GNAT3: variants seen among roughly 807,000 people sequenced by gnomAD.
GNAT3 encodes the protein guanine nucleotide-binding protein G(t) subunit alpha-3.
In GNAT3, 31 loss-of-function variants were observed where a neutral mutation model predicts 37.7. That is an observed-to-expected ratio of 0.82 (90% confidence interval 0.62 to 1.11). GNAT3 has a LOEUF of 1.11. Ranked by LOEUF, GNAT3 falls within the 50% of genes most tolerant of loss-of-function variation. The pLI is 0.00. For synonymous variants in GNAT3, 138 were observed against 139.8 expected, an observed-to-expected ratio of 0.99 and a Z score of 0.09; for missense variants, 437 against 412.5, an observed-to-expected ratio of 1.06 and a Z score of -0.51.
chr7:80,497,458 A>G (rs905833847), intron 1 of GNAT3, among the ~76,000 whole-genome samples: 1 of 151,896 alleles, frequency 6.6e-6, no homozygotes. Context: ...ATCTCTAACA[A>G]TGGAACTGAA....
At chr7:80,486,450 C>CT (rs879699399) in intron 3 of GNAT3, 103 of 142,638 alleles carry the variant, frequency 7.2e-4, no homozygotes, top group African/African-American at 8.9e-4. Flanking sequence ...TCTCATCTCA[C>CT]TTTTTTTTTT....
At chr7:80,497,632 A>ACACG in intron 1 of GNAT3, among the ~76,000 whole-genome samples, 1 of 118,694 alleles carries the variant, frequency 8.4e-6, no homozygotes, top group African/African-American at 4.4e-5. Context: ...GTATATACAT[A>ACACG]TACGTATATA....
chr7:80,487,169 A>C (rs1243758192), intron 3 of GNAT3, among the ~76,000 whole-genome samples: 2 of 152,136 alleles, frequency 1.3e-5, no homozygotes, highest in Admixed American at 6.6e-5. Context: ...TTGTTTCTTA[A>C]GAGCCAATTT....
intron 3 of GNAT3, among the ~76,000 whole-genome samples, chr7:80,484,717 G>A (rs1790447602): frequency 6.6e-6 from 1 of 151,608 alleles, no homozygotes; most frequent in Admixed American, 6.6e-5. Flanking sequence ...AAAAAAAGAG[G>A]GTTTGTTAAC....
At chr7:80,478,193 G>A (rs561586463) in intron 4 of GNAT3, among the ~76,000 whole-genome samples, 2 of 152,196 alleles carry the variant, frequency 1.3e-5, no homozygotes, top group Admixed American at 6.5e-5. Flanking sequence ...TTACAGGCGT[G>A]AGCCACTGTG....
intron 5 of GNAT3, among the ~76,000 whole-genome samples, chr7:80,464,045 G>A (rs1790095504): frequency 6.6e-6 from 1 of 151,598 alleles, no homozygotes; most frequent in Non-Finnish European, 1.5e-5. Flanking sequence ...TATATGCCAG[G>A]CACCAAGGAT....
At chr7:80,470,395 T>C (rs1790192629) in intron 5 of GNAT3, among the ~76,000 whole-genome samples, 1 of 152,150 alleles carries the variant, frequency 6.6e-6, no homozygotes, top group Admixed American at 6.5e-5. Flanking sequence ...CTAATTTTTG[T>C]ATTTTTAGTA....
In GNAT3 at chr7:80,463,636, A is replaced by G. The variant is rs75212646; in HGVS notation, c.591-1005T>C. On this transcript the variant is annotated intron_variant, in intron 5 of 7. Coordinates refer to ENST00000398291, the MANE Select transcript of GNAT3 (RefSeq NM_001102386.3). Reference sequence around the variant, plus strand: ...TCCTTTATGGTAATCATCAATATCTATCATCTCCCTAATACAATAGCAGCC... The same window carrying G: ...TCCTTTATGGTAATCATCAATATCTGTCATCTCCCTAATACAATAGCAGCC... Among the ~76,000 whole-genome samples, 355 of 151,880 alleles carry G rather than the reference A, an allele frequency of 2.3e-3. 11 individuals are homozygous for G. In the East Asian group the frequency reaches 0.057, roughly 25 times the overall value.
At position 80,478,883 on chromosome 7, in the gene GNAT3, A is replaced by G; in HGVS notation, c.419T>C (p.Phe140Ser). The G allele has an allele frequency of 6.2e-7, 1 of 1,613,410 alleles. No homozygotes were observed. Among genetic ancestry groups the G allele is most frequent in the Non-Finnish European group, 8.5e-7 (1 of 1,179,534 alleles). The change falls in exon 4 of 8, where the codon TTT (phenylalanine) becomes TCT (serine). Residue 140 changes from phenylalanine (F) to serine (S), a missense_variant. Transcript: ENST00000398291. ...LWRDPGIQAC[F>S]ERASEYQLND... ...GAGCTGATATTCAGATGCCCTTTCAAAGCAGGCCTGAATTCCTGGATCTCT... is the reference window on the plus strand; with the variant it reads ...GAGCTGATATTCAGATGCCCTTTCAGAGCAGGCCTGAATTCCTGGATCTCT...
chr7:80,464,313 A>C (rs1363209218), intron 5 of GNAT3, among the ~76,000 whole-genome samples: 1 of 152,066 alleles, frequency 6.6e-6, no homozygotes, highest in Admixed American at 6.6e-5. Flanking sequence ...TAAAAACCTA[A>C]GGAGATGAGG....
intron 4 of GNAT3, among the ~76,000 whole-genome samples, chr7:80,477,517 C>T (rs1240968394): frequency 1.3e-5 from 2 of 151,960 alleles, no homozygotes; most frequent in Admixed American, 1.3e-4. Flanking sequence ...AGCAATGTGC[C>T]CTTTGAAATT....
At chr7:80,483,480 G>A (rs188660291) in intron 3 of GNAT3, among the ~76,000 whole-genome samples, 6 of 151,872 alleles carry the variant, frequency 4.0e-5, no homozygotes, top group Non-Finnish European at 8.8e-5. Context: ...CAAACTGATC[G>A]AACACTTAAC....
intron 7 of GNAT3, among the ~76,000 whole-genome samples, chr7:80,461,359 G>A (rs886084722): frequency 1.3e-5 from 2 of 151,948 alleles, no homozygotes; most frequent in Non-Finnish European, 2.9e-5. Flanking sequence ...ACCAGCCTTG[G>A]CAAACATGGT....
At chr7:80,480,770 G>A (rs1235036542) in intron 3 of GNAT3, among the ~76,000 whole-genome samples, 1 of 152,054 alleles carries the variant, frequency 6.6e-6, no homozygotes, top group Non-Finnish European at 1.5e-5. Flanking sequence ...CACTCTCATG[G>A]CCATCTTGGT....
chr7:80,470,668 A>C (rs1448722419), intron 5 of GNAT3, among the ~76,000 whole-genome samples: 1 of 152,186 alleles, frequency 6.6e-6, no homozygotes, highest in African/African-American at 2.4e-5. Context: ...AAAGCAAAAT[A>C]GCTCACCTTC....
intron 5 of GNAT3, among the ~76,000 whole-genome samples, chr7:80,466,673 T>C (rs1790135135): frequency 6.6e-6 from 1 of 152,120 alleles, no homozygotes; most frequent in African/African-American, 2.4e-5. Context: ...ACTTCCTACA[T>C]ATTTTATTTT....
chr7:80,503,101 A>C (rs997100039), intron 1 of GNAT3, among the ~76,000 whole-genome samples: 2 of 152,126 alleles, frequency 1.3e-5, no homozygotes, highest in East Asian at 1.9e-4. Context: ...TAGTTAAAAA[A>C]CCTATCAATA....
rs1294367798 is a variant in GNAT3, at chr7:80,474,360, T to C, written c.481A>G (p.Arg161Gly). The change falls in exon 5 of 8, where the codon AGA becomes GGA. Residue 161 changes from arginine (R) to glycine (G), a missense_variant. Arg to Gly is a moderately radical substitution (Grantham distance 125). Coordinates refer to ENST00000398291, the MANE Select transcript of GNAT3 (RefSeq NM_001102386.3). ...SAAYYLNDLDRITASGYVPNE... is the reference protein window; with the variant it reads ...SAAYYLNDLDGITASGYVPNE... ...GGCACATACCCAGATGCTGTTATTC[T>C]ATCTAAATCATTAAGGTAGCTAATA... 1 of 1,545,730 alleles carries C rather than the reference T, an allele frequency of 6.5e-7. No individual in the cohort carries two copies. Among genetic ancestry groups the C allele is most frequent in the Non-Finnish European group, 8.8e-7 (1 of 1,141,198 alleles).
chr7:80,466,408 T>C (rs1335394997), intron 5 of GNAT3, among the ~76,000 whole-genome samples: 2 of 152,152 alleles, frequency 1.3e-5, no homozygotes, highest in East Asian at 1.9e-4. Context: ...TTAGATTCTA[T>C]TCACATCTTA....
Sources: allele counts gnomAD v4.1 joint callset (sites outside exome capture counted in the v4.1 genomes callset), GRCh38; gene constraint gnomAD v4.1.1; transcripts MANE v1.5; gene names NCBI Gene and HGNC (gene_info 2026-07-23, HGNC 2026-07-21).